Variants in PCSK5 observed in about 807,000 individuals in gnomAD.
The protein encoded by PCSK5 is proprotein convertase subtilisin/kexin type 5.
Under a neutral mutation model 233.2 loss-of-function variants are expected in PCSK5, and 129 were observed. That is an observed-to-expected ratio of 0.55 (90% CI 0.48 to 0.64). The LOEUF is 0.64. PCSK5 is among the 30% of genes least tolerant of loss of function. The probability of loss-of-function intolerance (pLI) is 0.00; values close to 1 mark genes in which losing one functional copy is unlikely to be tolerated. For missense variants in PCSK5, 2,076 were observed against 2,430.1 expected (o/e 0.85, Z 3.06); for synonymous variants, 825 against 879.2 (o/e 0.94, Z 1.09).
In PCSK5 at chr9:76,323,289, G is replaced by A; in HGVS notation, c.4339+1G>A. 6.4e-7 allele frequency: 1 copy of A among 1,567,306 alleles called. No homozygotes were observed. Among genetic ancestry groups the A allele is most frequent in the Non-Finnish European group, 8.8e-7 (1 of 1,139,328 alleles). On this transcript the variant is annotated splice_donor_variant, in intron 32 of 37. Transcript: ENST00000674117. LOFTEE classifies it high-confidence loss of function. ...GAAAAGGAGACTAAGGAGTGCAGAG[G>A]TAAAGACTTCTGGGATTCAAAATAG...
At chr9:75,998,121 A>G (rs1416555) in intron 3 of PCSK5, among the ~76,000 whole-genome samples, 44,928 of 151,962 alleles carry the variant, frequency 0.3, 7,948 homozygotes, top group African/African-American at 0.5. Context: ...TGGTCTTTGG[A>G]TGTGTTACCT....
chr9:76,111,583 T>C (rs1057368860), intron 9 of PCSK5, among the ~76,000 whole-genome samples: 10 of 152,180 alleles, frequency 6.6e-5, no homozygotes, highest in Non-Finnish European at 1.2e-4. Flanking sequence ...TGATTTTTTT[T>C]CTGGATTTTT....
chr9:75,970,463 C>G (rs1000010709), intron 2 of PCSK5, among the ~76,000 whole-genome samples: 1 of 152,204 alleles, frequency 6.6e-6, no homozygotes, highest in Non-Finnish European at 1.5e-5. Context: ...CTCTACTCAT[C>G]AGACAGTTCT....
intron 12 of PCSK5, among the ~76,000 whole-genome samples, chr9:76,168,393 C>A (rs959829699): frequency 2.6e-5 from 4 of 152,178 alleles, no homozygotes; most frequent in African/African-American, 9.7e-5. Context: ...GGTGATCTGC[C>A]CACCTCAGCC....
intron 24 of PCSK5, among the ~76,000 whole-genome samples, chr9:76,265,148 C>T (rs1028476568): frequency 1.3e-5 from 2 of 151,902 alleles, no homozygotes; most frequent in South Asian, 4.2e-4. Flanking sequence ...AGCAAATTAA[C>T]ACAGGAATAG....
chr9:76,161,834 G>A (rs550025876), intron 12 of PCSK5, among the ~76,000 whole-genome samples: 22 of 152,346 alleles, frequency 1.4e-4, no homozygotes, highest in East Asian at 1.4e-3. Context: ...AGAGTGCTGC[G>A]TGACTTGTGT....
At chr9:75,923,862 T>C (rs1237232195) in intron 1 of PCSK5, among the ~76,000 whole-genome samples, 2 of 152,198 alleles carry the variant, frequency 1.3e-5, no homozygotes, top group Middle Eastern at 3.2e-3. Context: ...TGGACCCTTC[T>C]ACCATCTTCG....
At chr9:76,157,014 G>A in intron 10 of PCSK5, 31 bp from the exon 11 acceptor site, 1 of 1,495,154 alleles carries the variant, frequency 6.7e-7, no homozygotes, top group Non-Finnish European at 9.3e-7. Flanking sequence ...ATGTAGCTTA[G>A]TGAAGCTGAC....
chr9:76,140,896 T>G (rs972420056), intron 10 of PCSK5, among the ~76,000 whole-genome samples: 1 of 152,240 alleles, frequency 6.6e-6, no homozygotes, highest in Admixed American at 6.6e-5. Context: ...TTTAGCAATG[T>G]GTAAAAGCAT....
At chr9:76,076,818 A>G (rs1231370152) in intron 7 of PCSK5, among the ~76,000 whole-genome samples, 1 of 152,226 alleles carries the variant, frequency 6.6e-6, no homozygotes, top group Non-Finnish European at 1.5e-5. Context: ...ACCTTGTCAC[A>G]GTTGACAATG....
chr9:76,267,119 A>G (rs1172710096), intron 24 of PCSK5, among the ~76,000 whole-genome samples: 6 of 152,312 alleles, frequency 3.9e-5, no homozygotes, highest in African/African-American at 1.2e-4. Flanking sequence ...CAGAACCTGC[A>G]GTGTCTGAGA....
intron 5 of PCSK5, among the ~76,000 whole-genome samples, chr9:76,052,289 T>C (rs1462115705): frequency 6.6e-6 from 1 of 152,138 alleles, no homozygotes; most frequent in Admixed American, 6.6e-5. Context: ...ACCCTGTGCA[T>C]TAGTCTGTTC....
At chr9:75,935,686 A>G (rs934767326) in intron 2 of PCSK5, among the ~76,000 whole-genome samples, 2 of 151,394 alleles carry the variant, frequency 1.3e-5, no homozygotes, top group African/African-American at 2.4e-5. Context: ...TTTTTCTTTC[A>G]TAAGCTAGAA....
At chr9:76,344,669 C>T (rs1373852427) in intron 35 of PCSK5, among the ~76,000 whole-genome samples, 1 of 152,106 alleles carries the variant, frequency 6.6e-6, no homozygotes, top group Non-Finnish European at 1.5e-5. Context: ...AAAAGTTGAA[C>T]TTACCTCTGT....
At chr9:76,356,573 T>G (rs963533996) in intron 37 of PCSK5, among the ~76,000 whole-genome samples, 2 of 152,210 alleles carry the variant, frequency 1.3e-5, no homozygotes, top group Non-Finnish European at 2.9e-5. Flanking sequence ...GCTTTAATGT[T>G]TTCTCCAGGG....
intron 35 of PCSK5, among the ~76,000 whole-genome samples, chr9:76,350,113 A>G (rs1382515052): frequency 1.9e-4 from 1 of 5,388 alleles, no homozygotes; most frequent in Admixed American, 4.5e-3. Context: ...CCCCATCTGA[A>G]AAAAAAAAAA....
chr9:76,334,471 G>A (rs56942774), intron 34 of PCSK5, among the ~76,000 whole-genome samples: 1,743 of 152,268 alleles, frequency 0.011, 31 homozygotes, highest in African/African-American at 0.039. Flanking sequence ...GGTGGCTCAC[G>A]CCTATAATCC....
chr9:75,898,677 A>C (rs11144670), intron 1 of PCSK5, among the ~76,000 whole-genome samples: 23,064 of 149,278 alleles, frequency 0.15, 1,918 homozygotes, highest in Middle Eastern at 0.2. Flanking sequence ...AAAAAAAAAA[A>C]CCCACTAGAG....
chr9:76,321,093 C>T (rs746385238), intron 30 of PCSK5, among the ~76,000 whole-genome samples: 4 of 147,742 alleles, frequency 2.7e-5, no homozygotes, highest in Non-Finnish European at 6.0e-5. Context: ...GGATTACAAG[C>T]GTGAGCCACC....
Sources: gnomAD v4.1 joint callset for allele counts (sites outside exome capture counted in the v4.1 genomes callset) on GRCh38, gnomAD v4.1.1 for gene constraint, MANE v1.5 for transcripts, NCBI Gene and HGNC (gene_info 2026-07-23, HGNC 2026-07-21) for gene names.